Variants in TBC1D22A observed in about 807,000 individuals in gnomAD.
TBC1D22A encodes the protein TBC1 domain family member 22A, also known as putative GTPase activator.
TBC1D22A carries 38 observed loss-of-function variants against 60.2 expected under a neutral mutation model. The observed-to-expected ratio is 0.63, with a 90% CI of 0.49 to 0.83. The LOEUF is 0.83. Among genes scored for constraint, TBC1D22A ranks in the 40% least tolerant of loss-of-function variants. TBC1D22A has a pLI of 0.00. For synonymous variants in TBC1D22A, 302 were observed against 281.7 expected (o/e 1.07, Z -0.72); for missense variants, 628 against 701.0 (o/e 0.90, Z 1.18).
At position 47,174,259 on chromosome 22, in the gene TBC1D22A, G is replaced by A. The variant is rs1293554099; in HGVS notation, c.*633G>A. 6.6e-6 allele frequency: 1 copy of A among 152,606 alleles called. No homozygotes were observed. The highest frequency in any genetic ancestry group is 2.4e-5 in the African/African-American group (1 of 41,440). The allele number at this position is 152,606 out of a possible 1,614,324, so 9.5% of individuals were successfully genotyped here. ...CGTGAGCCCGCCGAGTGCCTGGGAG[G>A]CCGTGGGACCAAAGGCTGGGAGCAG... On this transcript the variant is annotated 3_prime_UTR_variant, in exon 13 of 13. Transcript: ENST00000337137.
intron 12 of TBC1D22A, among the ~76,000 whole-genome samples, chr22:47,159,320 C>CATGTAT (rs2067861695): frequency 2.3e-5 from 2 of 85,304 alleles, no homozygotes; most frequent in Non-Finnish European, 4.9e-5. Context: ...TATACATACA[C>CATGTAT]ACACATGTAT....
chr22:46,895,681 G>A (rs1026274890), intron 7 of TBC1D22A, among the ~76,000 whole-genome samples: 7 of 152,076 alleles, frequency 4.6e-5, no homozygotes, highest in African/African-American at 1.7e-4. Context: ...GTCTCTCATT[G>A]TTTTCTAAGA....
At chr22:47,054,772 G>A (rs117941345) in intron 11 of TBC1D22A, among the ~76,000 whole-genome samples, 1,739 of 152,302 alleles carry the variant, frequency 0.011, 11 homozygotes, top group Middle Eastern at 0.048. Context: ...GCTGATGATT[G>A]TGTACACGTA....
intron 11 of TBC1D22A, among the ~76,000 whole-genome samples, chr22:47,087,987 G>A (rs1056729596): frequency 1.2e-4 from 19 of 152,038 alleles, no homozygotes; most frequent in Non-Finnish European, 2.5e-4. Flanking sequence ...GCAGGAGAAT[G>A]GCGAGAACCC....
chr22:46,978,039 G>A (rs1172262021), intron 9 of TBC1D22A, among the ~76,000 whole-genome samples: 3 of 152,270 alleles, frequency 2.0e-5, no homozygotes, highest in Admixed American at 6.5e-5. Context: ...AGGTCCTCCA[G>A]GAGCGAACAG....
intron 11 of TBC1D22A, among the ~76,000 whole-genome samples, chr22:47,079,014 C>G (rs1056490517): frequency 6.6e-6 from 1 of 151,352 alleles, no homozygotes; most frequent in Non-Finnish European, 1.5e-5. Flanking sequence ...TATATACGAA[C>G]AAGAGAGCGC....
In TBC1D22A at chr22:47,137,004, G is replaced by C. The variant is rs115940559; in HGVS notation, c.1425+25401G>C. Among the ~76,000 whole-genome samples, 810 of 152,270 alleles carry C rather than the reference G, an allele frequency of 5.3e-3. 11 individuals are homozygous for C. Among genetic ancestry groups the C allele is most frequent in the African/African-American group, 0.019 (780 of 41,554 alleles). ...CGAGTGTGAGCAAACCTGGTCCCGG[G>C]CCCTGGCTACGTCTTCACTCGGCGC... On this transcript the variant is annotated intron_variant, in intron 12 of 12. Coordinates refer to ENST00000337137, the MANE Select transcript of TBC1D22A (RefSeq NM_014346.5).
At chr22:47,047,991 G>A (rs2063084795) in intron 11 of TBC1D22A, among the ~76,000 whole-genome samples, 1 of 152,228 alleles carries the variant, frequency 6.6e-6, no homozygotes, top group South Asian at 2.1e-4. Flanking sequence ...GTGGCTGGAT[G>A]TCATCTTTGC....
At chr22:47,041,715 A>G (rs2062849564) in intron 11 of TBC1D22A, among the ~76,000 whole-genome samples, 1 of 152,196 alleles carries the variant, frequency 6.6e-6, no homozygotes, top group Non-Finnish European at 1.5e-5. Flanking sequence ...GGCTGCTGCT[A>G]GGACTGAGGA....
intron 1 of TBC1D22A, among the ~76,000 whole-genome samples, chr22:46,778,389 A>G (rs1418373036): frequency 6.6e-6 from 1 of 152,206 alleles, no homozygotes; most frequent in East Asian, 1.9e-4. Flanking sequence ...TACGTTGTAC[A>G]GCTGCACCAA....
intron 11 of TBC1D22A, among the ~76,000 whole-genome samples, chr22:47,100,463 G>C (rs563754322): frequency 6.6e-6 from 1 of 152,270 alleles, no homozygotes; most frequent in South Asian, 2.1e-4. Context: ...GGGGACGGGT[G>C]ATATGGTTTG....
At chr22:47,131,337 C>T (rs1184730876) in intron 12 of TBC1D22A, among the ~76,000 whole-genome samples, 4 of 152,326 alleles carry the variant, frequency 2.6e-5, no homozygotes, top group Middle Eastern at 3.4e-3. Context: ...AGGTGGAGTC[C>T]GGGTTCTTCC....
chr22:47,095,660 G>A (rs1055245905), intron 11 of TBC1D22A, among the ~76,000 whole-genome samples: 2 of 152,220 alleles, frequency 1.3e-5, no homozygotes, highest in Admixed American at 6.5e-5. Context: ...GGAGCAGCTC[G>A]GCTCTGTCCT....
At chr22:46,888,481 GT>G (rs11329816) in intron 5 of TBC1D22A, among the ~76,000 whole-genome samples, 94,493 of 151,894 alleles carry the variant, frequency 0.62, 30,225 homozygotes, top group Middle Eastern at 0.79. Flanking sequence ...GTGAAAGCTT[GT>G]TGTGCCCGCC....
At chr22:46,984,871 G>T (rs1360826338) in intron 9 of TBC1D22A, among the ~76,000 whole-genome samples, 1 of 152,196 alleles carries the variant, frequency 6.6e-6, no homozygotes, top group Non-Finnish European at 1.5e-5. Flanking sequence ...TGCCCTTCAG[G>T]TGGGGCTGGC....
intron 4 of TBC1D22A, among the ~76,000 whole-genome samples, chr22:46,869,031 C>T (rs2067186304): frequency 6.6e-6 from 1 of 152,216 alleles, no homozygotes; most frequent in East Asian, 1.9e-4. Context: ...GTCCCCTTGT[C>T]AGGCTGTTAT....
chr22:46,805,889 T>G (rs2085108709), intron 4 of TBC1D22A, among the ~76,000 whole-genome samples: 1 of 151,490 alleles, frequency 6.6e-6, no homozygotes, highest in Non-Finnish European at 1.5e-5. Flanking sequence ...GTCTTGCTCT[T>G]TCGCCCAGAC....
chr22:47,037,370 C>T (rs1382704082), intron 11 of TBC1D22A, among the ~76,000 whole-genome samples, 172 bp downstream of exon 11: 1 of 152,148 alleles, frequency 6.6e-6, no homozygotes, highest in African/African-American at 2.4e-5. Context: ...TGGCTCATGC[C>T]TGTAATCCTA....
chr22:47,062,527 G>A (rs56147532), intron 11 of TBC1D22A, among the ~76,000 whole-genome samples: 71,480 of 151,912 alleles, frequency 0.47, 17,510 homozygotes, highest in East Asian at 0.59. Context: ...TTCCTCTAGC[G>A]TGAGTGCCGT....
Sources: gnomAD v4.1 joint callset for allele counts (sites outside exome capture counted in the v4.1 genomes callset) on GRCh38, gnomAD v4.1.1 for gene constraint, MANE v1.5 for transcripts, NCBI Gene and HGNC (gene_info 2026-07-23, HGNC 2026-07-21) for gene names.